The following STYK1 variants were observed in gnomAD, a reference collection of about 807,000 sequenced individuals.
The protein encoded by STYK1 is tyrosine-protein kinase STYK1.
Under a neutral mutation model 48.1 loss-of-function variants are expected in STYK1, and 46 were observed. The observed-to-expected ratio is 0.96, with a 90% CI of 0.75 to 1.22. The LOEUF (loss-of-function observed/expected upper bound fraction) is 1.22, where lower values mean the gene tolerates loss of function less well. Ranked by LOEUF, STYK1 falls within the 50% of genes most tolerant of loss-of-function variation. STYK1 has a pLI of 0.00. For synonymous variants in STYK1, 188 were observed against 189.0 expected (o/e 0.99, Z 0.04); for missense variants, 527 against 521.1 (o/e 1.01, Z -0.11).
intron 8 of STYK1, among the ~76,000 whole-genome samples, chr12:10,622,930 GTTA>G (rs1865930769): frequency 6.6e-6 from 1 of 152,130 alleles, no homozygotes; most frequent in South Asian, 2.1e-4. Flanking sequence ...ATAGATGTTT[GTTA>G]TTATTTGCAA....
At chr12:10,657,992 T>A (rs1242184461) in intron 1 of STYK1, among the ~76,000 whole-genome samples, 1 of 152,236 alleles carries the variant, frequency 6.6e-6, no homozygotes, top group Non-Finnish European at 1.5e-5. Context: ...TAAGTTAAGT[T>A]ATCCTCACTT....
At chr12:10,663,408 C>T (rs112854355) in intron 1 of STYK1, among the ~76,000 whole-genome samples, 2,027 of 151,722 alleles carry the variant, frequency 0.013, 40 homozygotes, top group African/African-American at 0.045. Flanking sequence ...GTCGGGAGAT[C>T]GAGACCACAG....
intron 3 of STYK1, 45 bp from the exon 4 acceptor site, chr12:10,634,169 A>G (rs200177881): frequency 6.8e-6 from 10 of 1,472,128 alleles, no homozygotes; most frequent in Non-Finnish European, 9.3e-6. Context: ...GAAGAAGCCT[A>G]ACCTGGTGTT....
At chr12:10,635,783 T>A (rs539710616) in intron 2 of STYK1, among the ~76,000 whole-genome samples, 2 of 152,288 alleles carry the variant, frequency 1.3e-5, no homozygotes, top group African/African-American at 4.8e-5. Context: ...ATATAATCAG[T>A]ACATATTTCA....
intron 3 of STYK1, 128 bp downstream of exon 3, chr12:10,634,439 C>G: frequency 9.6e-7 from 1 of 1,039,338 alleles, no homozygotes. Context: ...CCTCTAGTCC[C>G]CATCCTTTTA....
At chr12:10,649,545 G>T (rs1947637031) in intron 1 of STYK1, among the ~76,000 whole-genome samples, 1 of 152,102 alleles carries the variant, frequency 6.6e-6, no homozygotes, top group Admixed American at 6.6e-5. Context: ...GAAGCCCAAA[G>T]AAAAATATAT....
chr12:10,637,488 C>T (rs919516992), intron 1 of STYK1, among the ~76,000 whole-genome samples: 1 of 151,990 alleles, frequency 6.6e-6, no homozygotes, highest in Non-Finnish European at 1.5e-5. Context: ...CAGGCACCCA[C>T]CACCACGCAC....
chr12:10,648,606 A>C (rs1300063819), intron 1 of STYK1, among the ~76,000 whole-genome samples: 1 of 151,946 alleles, frequency 6.6e-6, no homozygotes, highest in Non-Finnish European at 1.5e-5. Flanking sequence ...ATTTAAGACA[A>C]AATATTATTT....
Position 10,671,146 on chromosome 12 carries a change from C to T in STYK1, c.-195+2820G>A, listed in dbSNP as rs1217101318. On this transcript the variant is annotated intron_variant, in intron 1 of 10. Coordinates refer to ENST00000075503, the MANE Select transcript of STYK1 (RefSeq NM_018423.3). Reference sequence around the variant, plus strand: ...ATTAGCTGGGACTACAGGCGCCCGCCACCACGCCCAGCTAATTTTTTGTAT... The same window carrying T: ...ATTAGCTGGGACTACAGGCGCCCGCTACCACGCCCAGCTAATTTTTTGTAT... Among the ~76,000 whole-genome samples, 3 of 151,968 alleles carry T rather than the reference C, an allele frequency of 2.0e-5. No individual in the cohort carries two copies. In the East Asian group the frequency reaches 5.8e-4, roughly 29 times the overall value.
intron 1 of STYK1, chr12:10,667,216 T>C (rs1273523818): frequency 1.3e-5 from 2 of 152,204 alleles, no homozygotes; most frequent in Admixed American, 1.3e-4. Flanking sequence ...AGGTTTCCTT[T>C]TCATTTTTTA....
In STYK1 at chr12:10,620,302, G is replaced by T. The variant is rs745814636; in HGVS notation, c.1111C>A (p.Pro371Thr). The T allele has an allele frequency of 1.2e-6, 2 of 1,613,808 alleles. No individual in the cohort carries two copies. The highest frequency in any genetic ancestry group is 4.5e-5 in the East Asian group (2 of 44,876). The change falls in exon 11 of 11, where the codon CCC becomes ACC. Residue 371 changes from proline to threonine, a missense_variant. Coordinates refer to ENST00000075503, the MANE Select transcript of STYK1 (RefSeq NM_018423.3). ...CGCAAGCGCAGCTCTCTAGGTGAGG[G>T]GCGGTCAGCCTCACGCCAGCGCCAG... ...SCWRWREADR[P>T]SPRELRLRLE...
intron 1 of STYK1, among the ~76,000 whole-genome samples, chr12:10,666,012 C>T (rs1947830225): frequency 6.6e-6 from 1 of 152,222 alleles, no homozygotes; most frequent in African/African-American, 2.4e-5. Context: ...GTTTGCCTCT[C>T]TCCTCCTTCC....
intron 6 of STYK1, 122 bp downstream of exon 6, chr12:10,629,371 C>T: frequency 1.0e-6 from 1 of 1,004,184 alleles, no homozygotes; most frequent in African/African-American, 1.6e-5. Context: ...GTCATACTCC[C>T]TTATTCTGTC....
In STYK1 at chr12:10,619,852, G is replaced by A. The variant is rs150879961; in HGVS notation, c.*292C>T. The A allele has an allele frequency of 2.8e-4, 124 of 440,162 alleles. No homozygotes were observed. The highest frequency in any genetic ancestry group is 1.9e-3 in the African/African-American group (97 of 50,296). The allele number at this position is 440,162 out of a possible 1,614,324, so 27.3% of individuals were successfully genotyped here. A position where few individuals can be genotyped will look rare whatever the true frequency, so the allele number is the denominator to read the frequency against. On this transcript the variant is annotated 3_prime_UTR_variant, in exon 11 of 11. Transcript: ENST00000075503. The stretch of plus-strand genomic sequence containing the variant: ...GGAGGGATGAGCTTATTTGTGCCAT[G>A]CCCCAACAAATACTGCAGAGTTCTA...
chr12:10,667,551 G>A (rs1215523643), intron 1 of STYK1: 1 of 152,178 alleles, frequency 6.6e-6, no homozygotes, highest in Non-Finnish European at 1.5e-5. Context: ...GATCACTTGA[G>A]CCTGAGAGGT....
chr12:10,641,654 C>G (rs959528240), intron 1 of STYK1, among the ~76,000 whole-genome samples: 1 of 152,244 alleles, frequency 6.6e-6, no homozygotes, highest in African/African-American at 2.4e-5. Flanking sequence ...GCTAACTCAG[C>G]TCCTGTTTAC....
At chr12:10,645,472 A>T (rs1441389515) in intron 1 of STYK1, among the ~76,000 whole-genome samples, 8 of 152,150 alleles carry the variant, frequency 5.3e-5, no homozygotes, top group Admixed American at 1.3e-4. Context: ...TCTAAAAAAA[A>T]CAAAGCAAAG....
At chr12:10,623,709 T>C (rs1169457913) in intron 8 of STYK1, among the ~76,000 whole-genome samples, 4 of 152,096 alleles carry the variant, frequency 2.6e-5, no homozygotes, top group African/African-American at 9.7e-5. Context: ...CTTAGAAAAT[T>C]GGGAAAAGTA....
At chr12:10,652,021 C>G (rs1333781593) in intron 1 of STYK1, among the ~76,000 whole-genome samples, 1 of 152,152 alleles carries the variant, frequency 6.6e-6, no homozygotes, top group Non-Finnish European at 1.5e-5. Context: ...TTAAAAATCC[C>G]ATTGTCTGAG....
Sources: allele counts gnomAD v4.1 joint callset (sites outside exome capture counted in the v4.1 genomes callset), GRCh38; gene constraint gnomAD v4.1.1; transcripts MANE v1.5; gene names NCBI Gene and HGNC (gene_info 2026-07-23, HGNC 2026-07-21).